HADHB: variants seen among roughly 807,000 people sequenced by gnomAD.
The protein encoded by HADHB is hydroxyacyl-CoA dehydrogenase trifunctional multienzyme complex subunit beta.
A neutral mutation model predicts 61.9 loss-of-function variants in HADHB; 50 were observed. The ratio of observed to expected loss-of-function variants is 0.81; its 90% CI spans 0.64 to 1.02. HADHB has a LOEUF of 1.02. Ranked by LOEUF, HADHB falls within the 50% of genes least tolerant of loss-of-function variation. HADHB has a pLI of 0.00. For missense variants in HADHB, 504 were observed against 586.5 expected, an observed-to-expected ratio of 0.86 and a Z score of 1.45; for synonymous variants, 191 against 201.6, an observed-to-expected ratio of 0.95 and a Z score of 0.45.
intron 7 of HADHB, 91 bp downstream of exon 7, chr2:26,277,251 T>A (rs945406866): frequency 1.5e-6 from 1 of 688,746 alleles, no homozygotes; most frequent in Non-Finnish European, 2.5e-6. Flanking sequence ...TTTTTTTTTT[T>A]TTTTAACACA....
chr2:26,272,019 A>T (rs1672369152), intron 5 of HADHB, among the ~76,000 whole-genome samples: 1 of 152,150 alleles, frequency 6.6e-6, no homozygotes, highest in African/African-American at 2.4e-5. Context: ...CCTCCCAGGT[A>T]ACTGGGACTA....
At chr2:26,283,465 A>G (rs1429586962) in intron 12 of HADHB, among the ~76,000 whole-genome samples, 2 of 152,216 alleles carry the variant, frequency 1.3e-5, no homozygotes, top group Non-Finnish European at 2.9e-5. Context: ...CAGAGCTTGC[A>G]GTGAGCCAAG....
chr2:26,285,183 T>A (rs1335626967), intron 14 of HADHB, among the ~76,000 whole-genome samples: 1 of 152,196 alleles, frequency 6.6e-6, no homozygotes, highest in Non-Finnish European at 1.5e-5. Flanking sequence ...AAAAATAAAA[T>A]TCTGTGTTTT....
intron 10 of HADHB, 110 bp downstream of exon 10, chr2:26,280,225 ATAGT>A: frequency 1.1e-6 from 1 of 874,142 alleles, no homozygotes; most frequent in Non-Finnish European, 1.9e-6. Context: ...GGTTAAAAAT[ATAGT>A]TATTCATTTT....
intron 4 of HADHB, among the ~76,000 whole-genome samples, chr2:26,269,377 G>C (rs1189194032): frequency 2.0e-5 from 3 of 151,812 alleles, no homozygotes; most frequent in Non-Finnish European, 4.4e-5. Context: ...AATATTTTTT[G>C]TAAGAGACAA....
chr2:26,272,298 A>T (rs970251112), intron 5 of HADHB, among the ~76,000 whole-genome samples: 4 of 151,142 alleles, frequency 2.6e-5, no homozygotes, highest in Non-Finnish European at 4.4e-5. Flanking sequence ...ATGAGTTTTG[A>T]CAAATGTATA....
intron 3 of HADHB, 62 bp downstream of exon 3, chr2:26,254,536 T>C (rs1671533779): frequency 1.8e-6 from 2 of 1,142,194 alleles, no homozygotes; most frequent in African/African-American, 3.1e-5. Context: ...TTCTATAGTT[T>C]GTGAACTCTG....
intron 5 of HADHB, among the ~76,000 whole-genome samples, chr2:26,272,803 G>A (rs1011805507): frequency 2.0e-5 from 3 of 152,048 alleles, no homozygotes. Context: ...CAAATCTGGG[G>A]CCGGGTATAG....
chr2:26,262,733 A>G (rs1260338230), intron 3 of HADHB, among the ~76,000 whole-genome samples: 1 of 152,216 alleles, frequency 6.6e-6, no homozygotes, highest in Non-Finnish European at 1.5e-5. Flanking sequence ...AATCATTGCA[A>G]CTTCTAATAT....
rs1385772854 is a variant in HADHB at position 26,253,868 on chromosome 2, AT to A, written c.-8-378del. 5.2e-3 allele frequency among the ~76,000 whole-genome samples: 708 copies of A among 135,822 alleles called. 5 individuals carry two copies. Among genetic ancestry groups the A allele is most frequent in the Non-Finnish European group, 6.9e-3 (413 of 59,776 alleles). The allele number at this position is 135,822 out of a possible 152,430, so 89.1% of individuals were successfully genotyped here. A position where few individuals can be genotyped will look rare whatever the true frequency, so the allele number is the denominator to read the frequency against. On this transcript the variant is annotated intron_variant, in intron 1 of 15. Coordinates refer to ENST00000317799, the MANE Select transcript of HADHB (RefSeq NM_000183.3). Reference sequence around the variant, plus strand: ...AACTCCATCTCAAAAAAATAAATAAATAAATAAATAAATAAATAAATAAATA... The same window carrying A: ...AACTCCATCTCAAAAAAATAAATAAAAAATAAATAAATAAATAAATAAATA...
chr2:26,269,857 C>A, intron 4 of HADHB, 96 bp from the exon 5 acceptor site: 1 of 816,162 alleles, frequency 1.2e-6, no homozygotes, highest in Non-Finnish European at 2.2e-6. Flanking sequence ...TTTGTAGCAG[C>A]ATGTGTTTGA....
At chr2:26,255,529 A>G (rs889990223) in intron 3 of HADHB, among the ~76,000 whole-genome samples, 1 of 151,498 alleles carries the variant, frequency 6.6e-6, no homozygotes, top group Admixed American at 6.6e-5. Flanking sequence ...GAAAGAAAAA[A>G]TCCTGGGATT....
intron 1 of HADHB, among the ~76,000 whole-genome samples, chr2:26,248,464 C>G (rs913565688): frequency 1.3e-5 from 2 of 152,056 alleles, no homozygotes; most frequent in African/African-American, 4.8e-5. Flanking sequence ...CCCTGGCCCA[C>G]CTTGAGTATT....
At position 26,263,251 on chromosome 2, in the gene HADHB, A is replaced by T. The variant is rs908000054; in HGVS notation, c.110-129A>T. 9 of 595,818 alleles carry T rather than the reference A, an allele frequency of 1.5e-5. No homozygotes were observed. The African/African-American group carries it at 1.7e-4, about 11-fold the overall frequency. The allele number at this position is 595,818 out of a possible 1,614,324, so 36.9% of individuals were successfully genotyped here. Reference sequence around the variant, plus strand: ...GAGGCAGAGGTTGCAGTGAGCCGAGATCACGCCATTGCACTCCAGCCTGGG... The same window carrying T: ...GAGGCAGAGGTTGCAGTGAGCCGAGTTCACGCCATTGCACTCCAGCCTGGG... On this transcript the variant is annotated intron_variant, in intron 3 of 15. Transcript: ENST00000317799.
intron 15 of HADHB, among the ~76,000 whole-genome samples, chr2:26,287,883 G>A (rs1028790778): frequency 1.8e-4 from 28 of 152,122 alleles, no homozygotes; most frequent in African/African-American, 6.3e-4. Flanking sequence ...AGGTACACAC[G>A]GTTGGTATAA....
chr2:26,269,081 G>A (rs1308058240), intron 4 of HADHB, among the ~76,000 whole-genome samples: 72 of 151,850 alleles, frequency 4.7e-4, no homozygotes, highest in Admixed American at 4.7e-3. Context: ...CCCTGGAGGT[G>A]GAGGTTGCAG....
At chr2:26,248,751 AAACAAC>A (rs547476928) in intron 1 of HADHB, among the ~76,000 whole-genome samples, 1 of 152,094 alleles carries the variant, frequency 6.6e-6, no homozygotes, top group African/African-American at 2.4e-5. Context: ...TTGATTTAAA[AAACAAC>A]AACAACAACA....
intron 10 of HADHB, among the ~76,000 whole-genome samples, chr2:26,282,113 G>C (rs1027800907): frequency 6.6e-6 from 1 of 151,792 alleles, no homozygotes; most frequent in Admixed American, 6.6e-5. Context: ...TGTAAGCCAC[G>C]GGCAGAAAGC....
intron 12 of HADHB, among the ~76,000 whole-genome samples, chr2:26,283,272 C>A (rs1308481725): frequency 1.3e-5 from 2 of 152,070 alleles, no homozygotes; most frequent in Admixed American, 6.6e-5. Flanking sequence ...CGCCTGTAAT[C>A]CCAGCACTTT....
Sources: gnomAD v4.1 joint callset for allele counts (sites outside exome capture counted in the v4.1 genomes callset) on GRCh38, gnomAD v4.1.1 for gene constraint, MANE v1.5 for transcripts, NCBI Gene and HGNC (gene_info 2026-07-23, HGNC 2026-07-21) for gene names.